The following SSH2 variants were observed in gnomAD, a reference collection of about 807,000 sequenced individuals.
SSH2 encodes the protein slingshot protein phosphatase 2.
In SSH2, 37 loss-of-function variants were observed where a neutral mutation model predicts 135.2. The ratio of observed to expected loss-of-function variants is 0.27; its 90% CI spans 0.21 to 0.36. SSH2 has a LOEUF of 0.36. Among genes scored for constraint, SSH2 ranks in the 10% least tolerant of loss-of-function variants. SSH2 has a pLI of 1.00. For missense variants in SSH2, 1,408 were observed against 1,765.3 expected (o/e 0.80, Z 3.63); for synonymous variants, 628 against 646.2 (o/e 0.97, Z 0.43).
intron 1 of SSH2, among the ~76,000 whole-genome samples, chr17:29,851,249 T>C (rs907830209): frequency 3.9e-5 from 6 of 152,008 alleles, no homozygotes; most frequent in African/African-American, 1.4e-4. Context: ...CAACAGATAA[T>C]AATATAGATA....
intron 3 of SSH2, among the ~76,000 whole-genome samples, chr17:29,788,693 C>G (rs1389101851): frequency 1.3e-5 from 2 of 151,002 alleles, no homozygotes; most frequent in Non-Finnish European, 2.9e-5. Context: ...TATGAGATAC[C>G]CTTTTTGGTT....
chr17:29,682,332 G>GAAC (rs2038020579), intron 6 of SSH2, among the ~76,000 whole-genome samples: 1 of 152,176 alleles, frequency 6.6e-6, no homozygotes, highest in African/African-American at 2.4e-5. Context: ...ATATGAGCTA[G>GAAC]AACAGTGCTG....
intron 1 of SSH2, among the ~76,000 whole-genome samples, chr17:29,876,000 A>C (rs1035255210): frequency 6.6e-6 from 1 of 151,426 alleles, no homozygotes; most frequent in Non-Finnish European, 1.5e-5. Flanking sequence ...AAAAAAAAAA[A>C]AGGAAAGATA....
rs2035560556 is a variant in SSH2, at chr17:29,628,419, A to G, written c.*2422T>C. ...AACACAGTGGAGGGGAGAAGAGGGA[A>G]CAGTCCAAAACTTTGGTCCTGCTTG... On this transcript the variant is annotated 3_prime_UTR_variant, in exon 16 of 16. Coordinates refer to ENST00000540801, the MANE Select transcript of SSH2 (RefSeq NM_001282129.2). 1 of 152,164 alleles carries G rather than the reference A, an allele frequency of 6.6e-6. No individual in the cohort carries two copies. The highest frequency in any genetic ancestry group is 6.5e-5 in the Admixed American group (1 of 15,276). The allele number at this position is 152,164 out of a possible 1,614,324, so 9.4% of individuals were successfully genotyped here.
At position 29,928,692 on chromosome 17, in the gene SSH2, C is replaced by T. The variant is rs527473067; in HGVS notation, c.63+1246G>A. The T allele has an allele frequency of 5.6e-5, 22 of 396,052 alleles. 1 individual carries two copies. The Admixed American group carries it at 5.7e-4, about 10-fold the overall frequency. 24.5% of individuals were successfully genotyped at this position (396,052 alleles called of 1,614,324 possible). A position where few individuals can be genotyped will look rare whatever the true frequency, so the allele number is the denominator to read the frequency against. ...TTAAAGCTCAGAAAAGAAGAAACCA[C>T]AACCATACACAACAAAACTTTGAAA... On this transcript the variant is annotated intron_variant, in intron 1 of 15. Coordinates refer to ENST00000540801, the MANE Select transcript of SSH2 (RefSeq NM_001282129.2).
intron 11 of SSH2, among the ~76,000 whole-genome samples, 154 bp downstream of exon 11, chr17:29,666,710 AAAT>A (rs1199656847): frequency 1.3e-5 from 2 of 152,150 alleles, no homozygotes; most frequent in East Asian, 1.9e-4. Flanking sequence ...AAAAGTAATA[AAAT>A]AATTAGGAAG....
At chr17:29,755,289 T>C (rs770433252) in intron 3 of SSH2, among the ~76,000 whole-genome samples, 13 of 152,246 alleles carry the variant, frequency 8.5e-5, no homozygotes, top group Non-Finnish European at 2.9e-5. Flanking sequence ...GTTGCTCATA[T>C]ATATTTTTTT....
chr17:29,911,968 C>T (rs1169828459), intron 1 of SSH2, among the ~76,000 whole-genome samples: 1 of 152,190 alleles, frequency 6.6e-6, no homozygotes, highest in South Asian at 2.1e-4. Context: ...CTTGCTGTCA[C>T]TCAATGATTA....
intron 3 of SSH2, among the ~76,000 whole-genome samples, chr17:29,738,559 T>C (rs1301088429): frequency 1.4e-5 from 2 of 147,644 alleles, no homozygotes; most frequent in Non-Finnish European, 3.0e-5. Context: ...TATTTTATTT[T>C]ATTTTTTTTT....
At chr17:29,753,003 T>C (rs868061331) in intron 3 of SSH2, among the ~76,000 whole-genome samples, 8 of 152,218 alleles carry the variant, frequency 5.3e-5, no homozygotes, top group African/African-American at 1.9e-4. Flanking sequence ...TTAACCTCTC[T>C]GTGCCTCTCT....
At chr17:29,766,806 A>G (rs1490898014) in intron 3 of SSH2, among the ~76,000 whole-genome samples, 1 of 152,220 alleles carries the variant, frequency 6.6e-6, no homozygotes. Context: ...AAGAAAACCA[A>G]CACTTAGAAT....
intron 1 of SSH2, among the ~76,000 whole-genome samples, chr17:29,913,147 A>G (rs559514351): frequency 6.7e-6 from 1 of 149,252 alleles, no homozygotes; most frequent in South Asian, 2.2e-4. Flanking sequence ...ATGAAAATCC[A>G]TCTCTACTAA....
At chr17:29,720,335 C>T (rs149537986) in intron 3 of SSH2, among the ~76,000 whole-genome samples, 10 of 152,270 alleles carry the variant, frequency 6.6e-5, no homozygotes, top group African/African-American at 2.4e-4. Flanking sequence ...AACTGAACTC[C>T]ATCTGCAAAA....
At chr17:29,884,968 T>C (rs753851896) in intron 1 of SSH2, among the ~76,000 whole-genome samples, 55 of 152,222 alleles carry the variant, frequency 3.6e-4, no homozygotes, top group Non-Finnish European at 6.3e-4. Flanking sequence ...TGGATGCTTG[T>C]AAAGATGCAT....
chr17:29,905,526 G>A (rs2066637446), intron 1 of SSH2, among the ~76,000 whole-genome samples: 1 of 152,224 alleles, frequency 6.6e-6, no homozygotes, highest in Non-Finnish European at 1.5e-5. Context: ...CTGGGAGCAG[G>A]CAGGAGCCAC....
chr17:29,631,083 C>T lies in SSH2; in HGVS notation c.4111G>A (p.Val1371Met), dbSNP rs145165392. ...VQSKPVERPL[V>M]QYAKEFGSSQ... The stretch of plus-strand genomic sequence containing the variant: ...GAACCAAATTCTTTGGCATACTGCA[C>T]AAGGGGCCTCTCCACTGGCTTGCTC... The change falls in exon 16 of 16, where the codon GTG becomes ATG. Residue 1371 changes from valine (V) to methionine (M), a missense_variant. This residue lies in a region of SSH2 where 1,080 missense variants were observed against 1,144.5 expected (regional missense o/e 0.94). Transcript: ENST00000540801. The T allele has an allele frequency of 6.8e-6, 11 of 1,614,230 alleles. No individual in the cohort carries two copies. The African/African-American group carries it at 1.2e-4, about 18-fold the overall frequency.
intron 3 of SSH2, among the ~76,000 whole-genome samples, chr17:29,790,384 C>T (rs2042043281): frequency 6.6e-6 from 1 of 152,170 alleles, no homozygotes; most frequent in Non-Finnish European, 1.5e-5. Context: ...AGAACACCCT[C>T]ACATGAACAT....
chr17:29,742,481 G>GTTTTTTTTTTTTTTTTTTTTTT (rs35446491), intron 3 of SSH2, among the ~76,000 whole-genome samples: 1 of 90,652 alleles, frequency 1.1e-5, no homozygotes, highest in Non-Finnish European at 2.0e-5. Context: ...ACCACACCCA[G>GTTTTTTTTTTTTTTTTTTTTTT]TTTTTTTTTT....
Position 29,655,588 on chromosome 17 carries a change from G to T in SSH2, c.1052C>A (p.Ser351Tyr), listed in dbSNP as rs1231259185. Residue 351 changes from serine (S) to tyrosine (Y), a missense_variant, in exon 12 of 16, where the codon TCC (serine) becomes TAC (tyrosine). Transcript: ENST00000540801. ...TCGGTTCTGTAAGTCCTCTAAGTTG[G>T]AGGCATTCCATTCTGAGCCCTATGG... ...HVFLGSEWNA[S>Y]NLEDLQNRGV... 6.2e-7 allele frequency: 1 copy of T among 1,614,042 alleles called. No individual in the cohort carries two copies. Among genetic ancestry groups the T allele is most frequent in the African/African-American group, 1.3e-5 (1 of 75,004 alleles).
Sources: allele counts gnomAD v4.1 joint callset (sites outside exome capture counted in the v4.1 genomes callset), GRCh38; gene constraint gnomAD v4.1.1; regional missense constraint gnomAD v4.1.1; transcripts MANE v1.5; gene names NCBI Gene and HGNC (gene_info 2026-07-23, HGNC 2026-07-21).